Variants in IL3RA observed in about 807,000 individuals in gnomAD.
The protein encoded by IL3RA is interleukin 3 receptor subunit alpha.
In IL3RA, 73 loss-of-function variants were observed where a neutral mutation model predicts 52.3. The observed-to-expected ratio is 1.40, with a 90% CI of 1.16 to 1.70. IL3RA has a LOEUF of 1.70. IL3RA is among the 40% of genes most tolerant of loss of function. IL3RA has a pLI of 0.00. For missense variants in IL3RA, 664 were observed against 504.4 expected (o/e 1.32, Z -3.03); for synonymous variants, 260 against 194.0 (o/e 1.34, Z -2.83).
intron 9 of IL3RA, among the ~76,000 whole-genome samples, chrX:1,370,124 G>C (rs1314476637): frequency 5.4e-5 from 1 of 18,406 alleles, no homozygotes; most frequent in Non-Finnish European, 8.1e-5. Context: ...GGGAGAAGAC[G>C]GCGTCTCCAA....
At chrX:1,347,486 A>C (rs2148919242) in intron 3 of IL3RA, among the ~76,000 whole-genome samples, 1 of 151,506 alleles carries the variant, frequency 6.6e-6, no homozygotes, top group Non-Finnish European at 1.5e-5. Context: ...AGAATATACA[A>C]GTAGATTAAT....
chrX:1,337,630 AC>A (rs1214072674), intron 1 of IL3RA, among the ~76,000 whole-genome samples: 1 of 149,916 alleles, frequency 6.7e-6, no homozygotes, highest in Non-Finnish European at 1.5e-5. Context: ...CAGCCCTCAT[AC>A]CCATCTATAG....
chrX:1,364,266 T>C (rs1338980745), intron 8 of IL3RA, among the ~76,000 whole-genome samples: 1 of 149,030 alleles, frequency 6.7e-6, no homozygotes, highest in Non-Finnish European at 1.5e-5. Context: ...CTGAGGCGGG[T>C]GGATCACCGG....
intron 9 of IL3RA, 75 bp from the exon 10 acceptor site, chrX:1,378,584 C>G: frequency 7.6e-7 from 1 of 1,308,988 alleles, no homozygotes; most frequent in Non-Finnish European, 1.1e-6. Context: ...TTCCCAGGGC[C>G]CCGGGGAGAG....
chrX:1,377,988 C>G (rs1290247899), intron 9 of IL3RA, among the ~76,000 whole-genome samples: 2 of 151,146 alleles, frequency 1.3e-5, no homozygotes, highest in South Asian at 2.1e-4. Context: ...GAGTTCAAGA[C>G]CAGCCTAACG....
chrX:1,356,382 C>T (rs200739620), intron 7 of IL3RA, 46 bp downstream of exon 7: 2 of 1,288,412 alleles, frequency 1.6e-6, no homozygotes, highest in Admixed American at 1.9e-5. Context: ...CGTGGACATC[C>T]CTTATTTTTG....
intron 2 of IL3RA, 25 bp downstream of exon 2, chrX:1,341,854 G>T (rs368629433): frequency 1.2e-6 from 2 of 1,612,250 alleles, no homozygotes; most frequent in South Asian, 2.2e-5. Flanking sequence ...AAAAATGCAC[G>T]TGCCACCTGG....
At chrX:1,348,167 T>C (rs1486369529) in intron 3 of IL3RA, among the ~76,000 whole-genome samples, 3 of 148,940 alleles carry the variant, frequency 2.0e-5, no homozygotes, top group Non-Finnish European at 4.4e-5. Context: ...ACCAACATGG[T>C]GAAACCCTGT....
chrX:1,347,296 T>G (rs1179951476), intron 3 of IL3RA, among the ~76,000 whole-genome samples: 3 of 150,094 alleles, frequency 2.0e-5, no homozygotes, highest in Non-Finnish European at 4.4e-5. Flanking sequence ...ATATAAAAAT[T>G]AGCCGGGCGT....
chrX:1,356,960 G>A (rs1271762055), intron 7 of IL3RA, among the ~76,000 whole-genome samples: 9 of 151,800 alleles, frequency 5.9e-5, no homozygotes, highest in Non-Finnish European at 1.3e-4. Context: ...CATAAATATT[G>A]ATTTATTTAT....
intron 4 of IL3RA, among the ~76,000 whole-genome samples, chrX:1,350,915 G>GCA (rs1172424570): frequency 1.4e-5 from 2 of 148,038 alleles, no homozygotes; most frequent in Non-Finnish European, 3.0e-5. Context: ...GCACACACAC[G>GCA]CACACACACA....
At chrX:1,344,267 C>G (rs1196276320) in intron 2 of IL3RA, among the ~76,000 whole-genome samples, 6 of 151,752 alleles carry the variant, frequency 4.0e-5, no homozygotes, top group Admixed American at 2.0e-4. Flanking sequence ...AACCCCATCT[C>G]TAGTAAAAAT....
intron 2 of IL3RA, among the ~76,000 whole-genome samples, chrX:1,343,872 C>A (rs28824289): frequency 1.3e-5 from 2 of 149,374 alleles, no homozygotes; most frequent in South Asian, 4.3e-4. Flanking sequence ...CTCAGCTCAC[C>A]GCAACCTCCG....
At chrX:1,347,612 CCT>C (rs1179998679) in intron 3 of IL3RA, among the ~76,000 whole-genome samples, 1 of 151,014 alleles carries the variant, frequency 6.6e-6, no homozygotes, top group Non-Finnish European at 1.5e-5. Context: ...GGAGTGAGGC[CCT>C]GTCTTAACAA....
chrX:1,363,401 C>A (rs1340864639), intron 8 of IL3RA, among the ~76,000 whole-genome samples: 2 of 150,760 alleles, frequency 1.3e-5, no homozygotes, highest in African/African-American at 4.9e-5. Flanking sequence ...CCCGGGTTCC[C>A]GCCACTCTCC....
At chrX:1,341,957 G>T in intron 2 of IL3RA, 128 bp downstream of exon 2, 1 of 975,178 alleles carries the variant, frequency 1.0e-6, no homozygotes, top group South Asian at 1.4e-5. Context: ...TCATGCAGTG[G>T]TCGGGAATGA....
In IL3RA at chrX:1,352,312, C is replaced by A; in HGVS notation, c.432-10C>A. 6.2e-7 allele frequency: 1 copy of A among 1,613,710 alleles called. No homozygotes were observed. Among genetic ancestry groups the A allele is most frequent in the East Asian group, 2.2e-5 (1 of 44,882 alleles). The stretch of plus-strand genomic sequence containing the variant: ...GTGGGGTCGTCCCCCAACCTTACCG[C>A]TTACCGCAGCAGGCGTCAACAGTAC... On this transcript the variant is annotated splice_polypyrimidine_tract_variant and intron_variant, in intron 5 of 11. Coordinates refer to ENST00000331035, the MANE Select transcript of IL3RA (RefSeq NM_002183.4).
chrX:1,381,155 T>C (rs753393519), intron 11 of IL3RA, 51 bp downstream of exon 11: 14 of 1,559,794 alleles, frequency 9.0e-6, no homozygotes, highest in Middle Eastern at 1.7e-4. Context: ...GGTGGCCACT[T>C]TGGGAGGCCC....
intron 2 of IL3RA, among the ~76,000 whole-genome samples, chrX:1,342,099 C>T (rs7877649): frequency 0.86 from 130,510 of 151,918 alleles, 56,599 homozygotes; most frequent in Non-Finnish European, 0.93. Context: ...GAAACTCACA[C>T]GCTGGGATCA....
Sources: allele counts gnomAD v4.1 joint callset (sites outside exome capture counted in the v4.1 genomes callset), GRCh38; gene constraint gnomAD v4.1.1; transcripts MANE v1.5; gene names NCBI Gene and HGNC (gene_info 2026-07-23, HGNC 2026-07-21).